CLEC4A: variants seen among roughly 807,000 people sequenced by gnomAD.
The protein encoded by CLEC4A is C-type lectin domain family 4 member A.
Under a neutral mutation model 32.7 loss-of-function variants are expected in CLEC4A, and 27 were observed. The ratio of observed to expected loss-of-function variants is 0.83; its 90% CI spans 0.61 to 1.14. CLEC4A has a LOEUF of 1.14. Among genes scored for constraint, CLEC4A ranks in the 50% most tolerant of loss-of-function variants. The pLI is 0.00. For missense variants in CLEC4A, 253 were observed against 274.6 expected (o/e 0.92, Z 0.55); for synonymous variants, 89 against 93.7 (o/e 0.95, Z 0.29).
chr12:8,120,511 T>A (rs935931748), upstream of CLEC4A, among the ~76,000 whole-genome samples: 1 of 152,208 alleles, frequency 6.6e-6, no homozygotes, highest in Non-Finnish European at 1.5e-5. Flanking sequence ...TGATGCAATA[T>A]TCAGAGAGTG....
intron 3 of CLEC4A, chr12:8,134,972 C>CGTTTTTTTTTTTTTT (rs1229942721): frequency 1.6e-5 from 3 of 191,280 alleles, no homozygotes; most frequent in Non-Finnish European, 2.2e-5. Flanking sequence ...CTTGTTGAAG[C>CGTTTTTTTTTTTTTT]GTTTTTGTTT....
chr12:8,117,709 A>T, the CLEC4A span, among the ~76,000 whole-genome samples: 1 of 152,152 alleles, frequency 6.6e-6, no homozygotes, highest in Non-Finnish European at 1.5e-5. Context: ...ATAAATCTCA[A>T]GTTTCCTCTA....
chr12:8,115,072 G>A, the CLEC4A span, among the ~76,000 whole-genome samples: 1 of 152,218 alleles, frequency 6.6e-6, no homozygotes, highest in African/African-American at 2.4e-5. Flanking sequence ...AGCACCGCTA[G>A]TTTATTAGGG....
In CLEC4A at chr12:8,136,861, A is replaced by G; in HGVS notation, c.524A>G (p.His175Arg). The change falls in exon 5 of 6, where the codon CAT (histidine) becomes CGT (arginine). Residue 175 changes from histidine to arginine, a missense_variant. Coordinates refer to ENST00000229332, the MANE Select transcript of CLEC4A (RefSeq NM_016184.4). ...VGLSDPEGQR[H>R]WQWVDQTPYN... ...CTCTCAGATCCAGAAGGTCAGCGAC[A>G]TTGGCAATGGGTTGATCAGACACCA... 6.2e-7 allele frequency: 1 copy of G among 1,613,692 alleles called. No individual in the cohort carries two copies. The highest frequency in any genetic ancestry group is 2.2e-5 in the East Asian group (1 of 44,872).
At chr12:8,120,557 A>G (rs1448697208), upstream of CLEC4A, among the ~76,000 whole-genome samples, 1 of 152,250 alleles carries the variant, frequency 6.6e-6, no homozygotes, top group Non-Finnish European at 1.5e-5. Flanking sequence ...AGCCTCTCAG[A>G]GTTGTGGAAC....
intron 3 of CLEC4A, among the ~76,000 whole-genome samples, chr12:8,131,209 C>G (rs1350570968): frequency 6.6e-6 from 1 of 152,098 alleles, no homozygotes. Context: ...ACCTTGATCA[C>G]TTGGTTAAGG....
At chr12:8,137,999 C>A in intron 5 of CLEC4A, 141 bp from the exon 6 acceptor site, 1 of 847,198 alleles carries the variant, frequency 1.2e-6, no homozygotes, top group Non-Finnish European at 1.8e-6. Flanking sequence ...GGAGAAGCTG[C>A]ATGATGAGTA....
At chr12:8,109,111 T>C in the CLEC4A span, among the ~76,000 whole-genome samples, 1 of 152,058 alleles carries the variant, frequency 6.6e-6, no homozygotes, top group Admixed American at 6.6e-5. Context: ...CAATCTAAGA[T>C]AGGACGAGAA....
rs765799119 is a variant in CLEC4A at position 8,134,748 on chromosome 12, C to T, written c.299-837C>T. 21 of 1,560,562 alleles carry T rather than the reference C, an allele frequency of 1.3e-5. No homozygotes were observed. In the South Asian group the frequency reaches 2.5e-4, roughly 18 times the overall value. ...TCCAGGAGGGCCTTGGAAGCTTAGC[C>T]AGGTCCGAGGATCAACCCAGCCCGG... On this transcript the variant is annotated intron_variant, in intron 3 of 5. Coordinates refer to ENST00000229332, the MANE Select transcript of CLEC4A (RefSeq NM_016184.4).
rs970647747 is a variant in CLEC4A, at chr12:8,135,589, A to G, written c.303A>G (p.Thr101=). The G allele has an allele frequency of 1.1e-5, 17 of 1,614,086 alleles. No individual in the cohort carries two copies. The highest frequency in any genetic ancestry group is 1.4e-5 in the Non-Finnish European group (16 of 1,179,926). Residue 101 remains threonine (T), a synonymous_variant, in exon 4 of 6, where the codon ACA becomes ACG. Transcript: ENST00000229332. ...CVKKNMPVEE[T]AWSCCPKNWK... is the part of the protein sequence containing the mutation. ...GTGCCCCTCTTCCCAATACAGAGAC[A>G]GCCTGGAGCTGTTGCCCAAAGAATT...
intron 3 of CLEC4A, among the ~76,000 whole-genome samples, chr12:8,133,006 C>T (rs1184994220): frequency 2.0e-5 from 3 of 152,156 alleles, no homozygotes; most frequent in African/African-American, 4.8e-5. Flanking sequence ...CCTCTGCCTC[C>T]TGGGTTCAAG....
chr12:8,124,860 G>C (rs776206903), intron 1 of CLEC4A, among the ~76,000 whole-genome samples: 5 of 152,102 alleles, frequency 3.3e-5, no homozygotes, highest in African/African-American at 1.2e-4. Context: ...ATCATAATTT[G>C]CAATTTAGTG....
At chr12:8,131,189 A>G (rs972118516) in intron 3 of CLEC4A, among the ~76,000 whole-genome samples, 2 of 152,214 alleles carry the variant, frequency 1.3e-5, no homozygotes, top group African/African-American at 4.8e-5. Context: ...ATTCTTGACT[A>G]TTGATGTTGA....
intron 1 of CLEC4A, 28 bp downstream of exon 1, chr12:8,123,988 T>A (rs1490272132): frequency 8.4e-6 from 12 of 1,423,284 alleles, no homozygotes; most frequent in Non-Finnish European, 1.1e-5. Flanking sequence ...GGGGTCAGAG[T>A]GAATGACGAG....
intron 3 of CLEC4A, chr12:8,134,264 A>T (rs748471072): frequency 3.7e-6 from 6 of 1,612,528 alleles, no homozygotes; most frequent in Non-Finnish European, 5.1e-6. Context: ...CAGCTCACAC[A>T]TGTTCTTGAA....
chr12:8,131,490 C>T (rs760968667), intron 3 of CLEC4A, among the ~76,000 whole-genome samples: 1 of 94,640 alleles, frequency 1.1e-5, no homozygotes, highest in Non-Finnish European at 2.4e-5. Flanking sequence ...TGAGTTTCCT[C>T]TTGCTCAGAG....
At chr12:8,104,880 CT>C in the CLEC4A span, among the ~76,000 whole-genome samples, 1 of 152,168 alleles carries the variant, frequency 6.6e-6, no homozygotes, top group African/African-American at 2.4e-5. Flanking sequence ...CCAGCTCTAT[CT>C]ATGTTGCTGC....
chr12:8,132,319 C>A (rs186728717), intron 3 of CLEC4A, among the ~76,000 whole-genome samples: 1 of 152,208 alleles, frequency 6.6e-6, no homozygotes, highest in African/African-American at 2.4e-5. Flanking sequence ...GAATAGTGTC[C>A]TATGAAATTT....
chr12:8,134,770 C>A, intron 3 of CLEC4A: 1 of 1,554,624 alleles, frequency 6.4e-7, no homozygotes, highest in South Asian at 1.2e-5. Context: ...TCAACCCAGC[C>A]CGGCTCCGGC....
Sources: gnomAD v4.1 joint callset for allele counts (sites outside exome capture counted in the v4.1 genomes callset) on GRCh38, gnomAD v4.1.1 for gene constraint, MANE v1.5 for transcripts, NCBI Gene and HGNC (gene_info 2026-07-23, HGNC 2026-07-21) for gene names.